EFR3A: variants seen among roughly 807,000 people sequenced by gnomAD.
EFR3A encodes EFR3 homolog A, also known as protein EFR3 homolog A.
Under a neutral mutation model 104.4 loss-of-function variants are expected in EFR3A, and 76 were observed. That is an observed-to-expected ratio of 0.73 (90% CI 0.60 to 0.88). EFR3A has a LOEUF of 0.88. EFR3A is among the 40% of genes least tolerant of loss of function. The probability of loss-of-function intolerance (pLI) is 0.00; values close to 1 mark genes in which losing one functional copy is unlikely to be tolerated. For synonymous variants in EFR3A, 330 were observed against 330.0 expected (o/e 1.00, Z 0.00); for missense variants, 985 against 1,012.5 (o/e 0.97, Z 0.37).
chr8:131,904,871 C>T (rs1049867194), intron 1 of EFR3A, among the ~76,000 whole-genome samples: 3 of 152,186 alleles, frequency 2.0e-5, no homozygotes, highest in Admixed American at 6.5e-5. Context: ...TTGGACCACA[C>T]TTCGGATTCA....
At chr8:131,975,597 G>T (rs1258324467) in intron 10 of EFR3A, among the ~76,000 whole-genome samples, 1 of 151,744 alleles carries the variant, frequency 6.6e-6, no homozygotes, top group African/African-American at 2.4e-5. Flanking sequence ...TGTATTTTTA[G>T]TAGAGACGAG....
chr8:131,986,098 A>G, intron 16 of EFR3A, 96 bp from the exon 17 acceptor site: 1 of 526,408 alleles, frequency 1.9e-6, no homozygotes, highest in Non-Finnish European at 3.3e-6. Flanking sequence ...ATAAATGTTT[A>G]AAGTTGTTTT....
rs551457851 is a variant in EFR3A, at chr8:131,978,892, G to A, written c.1372G>A (p.Gly458Arg). The A allele has an allele frequency of 1.9e-6, 3 of 1,611,706 alleles. No homozygotes were observed. In the Admixed American group the frequency reaches 5.0e-5, roughly 27 times the overall value. Reference protein sequence around the residue: ...KAKTIVTALPGSFLDPLLSPS... With the variant: ...KAKTIVTALPRSFLDPLLSPS... The stretch of plus-strand genomic sequence containing the variant: ...GAAGACGATTGTTACTGCACTGCCA[G>A]GGTCTTTCCTGGATCCTTTGTTATC... Residue 458 changes from glycine to arginine, a missense_variant, in exon 13 of 23, where the codon GGG (glycine) becomes AGG (arginine). Gly to Arg is a moderately radical substitution (Grantham distance 125). Coordinates refer to ENST00000254624, the MANE Select transcript of EFR3A (RefSeq NM_015137.6).
intron 1 of EFR3A, among the ~76,000 whole-genome samples, chr8:131,924,644 C>T (rs1357273783): frequency 6.6e-6 from 1 of 152,080 alleles, no homozygotes; most frequent in African/African-American, 2.4e-5. Flanking sequence ...ACTCTGTTCC[C>T]TCTGTTCATT....
At position 131,965,485 on chromosome 8, in the gene EFR3A, T is replaced by G. The variant is rs946088833; in HGVS notation, c.856-2810T>G. 2.3e-4 allele frequency among the ~76,000 whole-genome samples: 35 copies of G among 152,286 alleles called. No individual in the cohort carries two copies. In the East Asian group the frequency reaches 3.9e-3, roughly 17 times the overall value. On this transcript the variant is annotated intron_variant, in intron 8 of 22. Transcript: ENST00000254624. The stretch of plus-strand genomic sequence containing the variant: ...ATGCTCATCATCACTGGCCATCAGA[T>G]AAATGCAAATCAAAACCACAATGAG...
chr8:131,907,031 C>G lies in EFR3A; in HGVS notation c.10+2709C>G, dbSNP rs1000807271. On this transcript the variant is annotated intron_variant, in intron 1 of 22. Coordinates refer to ENST00000254624, the MANE Select transcript of EFR3A (RefSeq NM_015137.6). ...TCTGAGAGTTTCCATGGAGTAAAACCATGACTTGAACACAGAACTGGCCCC... is the reference window on the plus strand; with the variant it reads ...TCTGAGAGTTTCCATGGAGTAAAACGATGACTTGAACACAGAACTGGCCCC... Among the ~76,000 whole-genome samples, 8 of 152,120 alleles carry G rather than the reference C, an allele frequency of 5.3e-5. No homozygotes were observed. In the South Asian group the frequency reaches 1.2e-3, roughly 24 times the overall value.
chr8:131,978,736 C>T lies in EFR3A; in HGVS notation c.1327-111C>T, dbSNP rs1415735978. The T allele has an allele frequency of 6.0e-6, 5 of 833,956 alleles. No homozygotes were observed. In the East Asian group the frequency reaches 1.5e-4, roughly 25 times the overall value. 51.7% of individuals were successfully genotyped at this position (833,956 alleles called of 1,614,324 possible). A position where few individuals can be genotyped will look rare whatever the true frequency, so the allele number is the denominator to read the frequency against. On this transcript the variant is annotated intron_variant, in intron 12 of 22. Transcript: ENST00000254624. ...ATTTCTTTTATGTCTTTTCTCCAGG[C>T]TTCTGTCCATATTTTCTTTCCTAAG...
chr8:131,971,110 T>C (rs1820030081), intron 10 of EFR3A, among the ~76,000 whole-genome samples: 2 of 152,232 alleles, frequency 1.3e-5, no homozygotes. Context: ...CTTTTTAATA[T>C]AACCAGAGTA....
intron 15 of EFR3A, 23 bp from the exon 16 acceptor site, chr8:131,984,906 G>A: frequency 1.2e-6 from 2 of 1,605,910 alleles, no homozygotes; most frequent in Non-Finnish European, 1.7e-6. Context: ...TGATCTCTCT[G>A]ATGTGTTTGT....
Position 131,986,221 on chromosome 8 carries a change from C to A in EFR3A, c.1897C>A (p.Pro633Thr). 6.3e-7 allele frequency: 1 copy of A among 1,593,334 alleles called. No homozygotes were observed. The highest frequency in any genetic ancestry group is 1.1e-5 in the South Asian group (1 of 88,946). Reference sequence around the variant, plus strand: ...TATTGAAATTCGAACTATGGAAGCCCCTTATTTTCTACCAGAGCATATCTT... The same window carrying A: ...TATTGAAATTCGAACTATGGAAGCCACTTATTTTCTACCAGAGCATATCTT... ...KVIEIRTMEA[P>T]YFLPEHIFRD... The change falls in exon 17 of 23, where the codon CCT becomes ACT. Residue 633 changes from proline (P) to threonine (T), a missense_variant. Transcript: ENST00000254624.
intron 1 of EFR3A, among the ~76,000 whole-genome samples, chr8:131,922,122 G>A (rs1273949689): frequency 6.6e-6 from 1 of 152,024 alleles, no homozygotes; most frequent in African/African-American, 2.4e-5. Flanking sequence ...TTGGCTTGTG[G>A]CAAAATAATT....
At chr8:131,919,725 C>T (rs1816911382) in intron 1 of EFR3A, among the ~76,000 whole-genome samples, 1 of 151,796 alleles carries the variant, frequency 6.6e-6, no homozygotes, top group African/African-American at 2.4e-5. Flanking sequence ...TCAGATGCTC[C>T]ATCTTTTCTT....
Position 132,010,909 on chromosome 8 carries a change from AC to A in EFR3A, c.*16del. On this transcript the variant is annotated 3_prime_UTR_variant, in exon 23 of 23. Transcript: ENST00000254624. ...TGTGTGTACTGATCGGCGCATGAAG[AC>A]CTCAGGATATGATTTGTAAAGCCTA... The A allele has an allele frequency of 6.3e-7, 1 of 1,579,476 alleles. No homozygotes were observed. Among genetic ancestry groups the A allele is most frequent in the South Asian group, 1.2e-5 (1 of 86,570 alleles).
At chr8:131,981,208 A>G (rs181615246) in intron 14 of EFR3A, among the ~76,000 whole-genome samples, 5 of 152,172 alleles carry the variant, frequency 3.3e-5, no homozygotes. Flanking sequence ...ACAGTCATGA[A>G]CATTGAGACT....
At chr8:131,997,882 GTC>G (rs1821577867) in intron 19 of EFR3A, among the ~76,000 whole-genome samples, 1 of 152,022 alleles carries the variant, frequency 6.6e-6, no homozygotes, top group African/African-American at 2.4e-5. Flanking sequence ...GAAAGAGTCA[GTC>G]TATTTTGATA....
intron 22 of EFR3A, among the ~76,000 whole-genome samples, chr8:132,008,185 A>G (rs539962202): frequency 6.6e-6 from 1 of 152,206 alleles, no homozygotes; most frequent in East Asian, 1.9e-4. Flanking sequence ...ACACAATACC[A>G]ATATCTGATA....
intron 2 of EFR3A, among the ~76,000 whole-genome samples, chr8:131,942,876 T>C (rs541629004): frequency 2.0e-5 from 3 of 152,048 alleles, no homozygotes; most frequent in African/African-American, 4.8e-5. Flanking sequence ...GCACAAAATA[T>C]ATGATTTGTA....
intron 1 of EFR3A, among the ~76,000 whole-genome samples, chr8:131,917,248 T>C (rs529543975): frequency 6.6e-6 from 1 of 152,274 alleles, no homozygotes; most frequent in East Asian, 1.9e-4. Context: ...CACCTGAGAG[T>C]ATCAGTCAGC....
chr8:131,937,905 G>T (rs1817986481), intron 1 of EFR3A, among the ~76,000 whole-genome samples: 2 of 151,758 alleles, frequency 1.3e-5, no homozygotes, highest in African/African-American at 4.8e-5. Flanking sequence ...GGAACTAAAG[G>T]AATGCTTTAA....
Sources: allele counts gnomAD v4.1 joint callset (sites outside exome capture counted in the v4.1 genomes callset), GRCh38; gene constraint gnomAD v4.1.1; transcripts MANE v1.5; gene names NCBI Gene and HGNC (gene_info 2026-07-23, HGNC 2026-07-21).